Variants in ADGB observed in about 807,000 individuals in gnomAD.
ADGB encodes the protein calpain-7-like protein.
ADGB carries 172 observed loss-of-function variants against 210.5 expected under a neutral mutation model. The ratio of observed to expected loss-of-function variants is 0.82; its 90% CI spans 0.72 to 0.93. The LOEUF (loss-of-function observed/expected upper bound fraction) is 0.93, where lower values mean the gene tolerates loss of function less well. Ranked by LOEUF, ADGB falls within the 40% of genes least tolerant of loss-of-function variation. ADGB has a pLI of 0.00. For synonymous variants in ADGB, 658 were observed against 662.7 expected (o/e 0.99, Z 0.11); for missense variants, 2,025 against 1,964.8 (o/e 1.03, Z -0.58).
chr6:146,764,682 T>C (rs189453197), intron 28 of ADGB, among the ~76,000 whole-genome samples: 5 of 152,360 alleles, frequency 3.3e-5, no homozygotes, highest in African/African-American at 1.2e-4. Flanking sequence ...TTTAAAGTTA[T>C]ATAAAAATAA....
intron 29 of ADGB, among the ~76,000 whole-genome samples, chr6:146,775,187 A>G (rs1777704337): frequency 6.6e-6 from 1 of 152,132 alleles, no homozygotes; most frequent in African/African-American, 2.4e-5. Context: ...ATTCATCCTG[A>G]AGTCAATGTT....
intron 11 of ADGB, among the ~76,000 whole-genome samples, 175 bp downstream of exon 11, chr6:146,691,465 T>TAAA (rs1776320837): frequency 6.7e-5 from 1 of 14,862 alleles, no homozygotes; most frequent in African/African-American, 4.8e-4. Context: ...TATAAAAATA[T>TAAA]ATATATATAT....
At chr6:146,756,457 T>G (rs963815655) in intron 27 of ADGB, among the ~76,000 whole-genome samples, 4 of 150,484 alleles carry the variant, frequency 2.7e-5, no homozygotes, top group African/African-American at 1.0e-4. Context: ...TTAACACTGC[T>G]TATTTGAAAT....
intron 1 of ADGB, among the ~76,000 whole-genome samples, chr6:146,625,367 A>G (rs991437044): frequency 1.1e-4 from 16 of 152,014 alleles, no homozygotes; most frequent in Admixed American, 4.6e-4. Flanking sequence ...TCTACTTTTT[A>G]TAATGTTAGT....
chr6:146,651,148 G>A (rs1005477650), intron 3 of ADGB, among the ~76,000 whole-genome samples: 3 of 152,242 alleles, frequency 2.0e-5, no homozygotes, highest in Admixed American at 6.5e-5. Flanking sequence ...GACAAAGGCA[G>A]TCTTGGTAGC....
intron 35 of ADGB, among the ~76,000 whole-genome samples, chr6:146,809,982 G>A (rs259382): frequency 0.5 from 75,552 of 150,070 alleles, 19,849 homozygotes; most frequent in East Asian, 0.72. Flanking sequence ...ATAAAAAGCT[G>A]CTGCACAGCA....
At chr6:146,696,234 C>A (rs1033927761) in intron 12 of ADGB, among the ~76,000 whole-genome samples, 3 of 152,034 alleles carry the variant, frequency 2.0e-5, no homozygotes, top group Admixed American at 6.6e-5. Flanking sequence ...TGCCACCACA[C>A]CCGGCTAATT....
At chr6:146,728,267 G>GT (rs972811040) in intron 19 of ADGB, among the ~76,000 whole-genome samples, 29 of 152,214 alleles carry the variant, frequency 1.9e-4, no homozygotes, top group African/African-American at 6.5e-4. Context: ...ACTCCACACA[G>GT]TTTTTTGTCA....
chr6:146,741,083 A>G, intron 24 of ADGB, 35 bp from the exon 25 acceptor site: 1 of 1,439,148 alleles, frequency 6.9e-7, no homozygotes, highest in East Asian at 2.7e-5. Flanking sequence ...TTAAGAATTC[A>G]CATCAAGGGA....
intron 1 of ADGB, among the ~76,000 whole-genome samples, chr6:146,633,579 A>C (rs2114856972): frequency 6.6e-6 from 1 of 152,220 alleles, no homozygotes; most frequent in Middle Eastern, 3.4e-3. Flanking sequence ...TGTCCTCTGC[A>C]TCTGGAATAC....
chr6:146,660,192 C>T (rs1426469930), intron 5 of ADGB, among the ~76,000 whole-genome samples: 1 of 152,124 alleles, frequency 6.6e-6, no homozygotes, highest in African/African-American at 2.4e-5. Flanking sequence ...TATAAGAAAA[C>T]TCTCTCATCC....
At chr6:146,806,756 A>AAAAGGAGAAATCAGTGAAGGTG (rs1429033146) in intron 35 of ADGB, among the ~76,000 whole-genome samples, 3 of 152,230 alleles carry the variant, frequency 2.0e-5, no homozygotes, top group Non-Finnish European at 4.4e-5. Context: ...GATGAAGGAG[A>AAAAGGAGAAATCAGTGAAGGTG]AAAGGAGAAA....
At chr6:146,625,251 T>C (rs1780955751) in intron 1 of ADGB, among the ~76,000 whole-genome samples, 1 of 152,134 alleles carries the variant, frequency 6.6e-6, no homozygotes, top group African/African-American at 2.4e-5. Flanking sequence ...GCTCTGTTAT[T>C]AAATTCAAGA....
At chr6:146,716,736 C>T in intron 14 of ADGB, 147 bp from the exon 15 acceptor site, 2 of 612,522 alleles carry the variant, frequency 3.3e-6, no homozygotes, top group Non-Finnish European at 5.2e-6. Context: ...CCTGTGTGGA[C>T]CTCCATAAAT....
At chr6:146,741,062 T>G (rs1225432278) in intron 24 of ADGB, 56 bp from the exon 25 acceptor site, 3 of 1,364,880 alleles carry the variant, frequency 2.2e-6, no homozygotes, top group Non-Finnish European at 2.9e-6. Context: ...AATGCAAATT[T>G]CAAACTTCCT....
At chr6:146,644,891 A>C (rs1286287404) in intron 3 of ADGB, 26 bp downstream of exon 3, 1 of 1,336,254 alleles carries the variant, frequency 7.5e-7, no homozygotes, top group Admixed American at 2.9e-5. Context: ...CTATTAAATA[A>C]AATACTTACT....
At chr6:146,695,198 G>T (rs1776386650) in intron 12 of ADGB, among the ~76,000 whole-genome samples, 1 of 152,058 alleles carries the variant, frequency 6.6e-6, no homozygotes, top group African/African-American at 2.4e-5. Context: ...TGGCTTAGTT[G>T]TAGTTTTAAT....
Position 146,782,468 on chromosome 6 carries a change from G to T in ADGB, c.4035+276G>T, listed in dbSNP as rs151034784. ...ATATGACTCAGTACTAACCCTAAAA[G>T]AATTCACAGTCTAATAATGGAGGAG... On this transcript the variant is annotated intron_variant, in intron 30 of 35. Transcript: ENST00000397944. 4.9e-4 allele frequency among the ~76,000 whole-genome samples: 75 copies of T among 152,256 alleles called. 1 individual carries two copies. Among genetic ancestry groups the T allele is most frequent in the African/African-American group, 1.7e-3 (72 of 41,552 alleles).
intron 9 of ADGB, among the ~76,000 whole-genome samples, chr6:146,683,512 C>T (rs757338617): frequency 6.6e-6 from 1 of 152,080 alleles, no homozygotes; most frequent in Non-Finnish European, 1.5e-5. Flanking sequence ...AAACTTCACC[C>T]TTAACTAAAC....
Sources: allele counts gnomAD v4.1 joint callset (sites outside exome capture counted in the v4.1 genomes callset), GRCh38; gene constraint gnomAD v4.1.1; transcripts MANE v1.5; gene names NCBI Gene and HGNC (gene_info 2026-07-23, HGNC 2026-07-21).